The following SEMA6B variants were observed in gnomAD, a reference collection of about 807,000 sequenced individuals.
SEMA6B encodes semaphorin-6B.
A neutral mutation model predicts 78.6 loss-of-function variants in SEMA6B; 47 were observed. That is an observed-to-expected ratio of 0.60 (90% confidence interval 0.47 to 0.76). The LOEUF is 0.76. Ranked by LOEUF, SEMA6B falls within the 30% of genes least tolerant of loss-of-function variation. The pLI is 0.00. For missense variants in SEMA6B, 1,213 were observed against 1,269.9 expected (o/e 0.96, Z 0.68); for synonymous variants, 632 against 592.2 (o/e 1.07, Z -0.98).
In SEMA6B at chr19:4,546,427, G is replaced by C. The variant is rs145677334; in HGVS notation, c.1644C>G (p.Pro548=). 42 of 1,579,798 alleles carry C rather than the reference G, an allele frequency of 2.7e-5. No homozygotes were observed. In the South Asian group the frequency reaches 4.0e-4, roughly 15 times the overall value. ...GSQDPYCGWA[P]DGSCIFLSPG... is the part of the protein sequence containing the mutation. ...GGCTGAGGAAGATGCAGGAGCCGTC[G>C]GGGGCCCACCCGCAGTAGGGGTCCT... Residue 548 remains proline (P), a synonymous_variant, in exon 15 of 17, where the codon CCC becomes CCG. Transcript: ENST00000586582.
rs768001224 is a variant in SEMA6B at position 4,552,563 on chromosome 19, G to A, written c.848C>T (p.Thr283Met). ...GTTGAGCCGCGCCTTCAGGAAGGAC[G>A]TCCACTGCTTCTCCAGCACGCGGGG... is the stretch of plus-strand genomic sequence containing the variant. ...GSPRVLEKQW[T>M]SFLKARLNCS... is the part of the protein sequence containing the mutation. Residue 283 changes from threonine to methionine, a missense_variant, in exon 10 of 17, where the codon ACG becomes ATG. By Grantham distance (81) the Thr-to-Met change is moderately conservative. Coordinates refer to ENST00000586582, the MANE Select transcript of SEMA6B (RefSeq NM_032108.4). The surrounding 1 kb of genome is among the most constrained non-coding windows in gnomAD (Gnocchi z 7.4). The A allele has an allele frequency of 1.9e-6, 3 of 1,612,920 alleles. No homozygotes were observed. The highest frequency in any genetic ancestry group is 1.1e-5 in the South Asian group (1 of 91,082).
rs1977488358 is a variant in SEMA6B, at chr19:4,556,971, G to A, written c.349C>T (p.Arg117Trp). Residue 117 changes from arginine (R) to tryptophan (W), a missense_variant, in exon 5 of 17, where the codon CGG becomes TGG. By Grantham distance (101) the Arg-to-Trp change is moderately radical. Coordinates refer to ENST00000586582, the MANE Select transcript of SEMA6B (RefSeq NM_032108.4). ...CTCACCTCCTGTTTGCCCTTCATCC[G>A]ACACACGTTTATGTCGCTGGGGTTA... ...RSNPSDINVCRMKGKQEGECR... is the reference protein window; with the variant it reads ...RSNPSDINVCWMKGKQEGECR... The A allele has an allele frequency of 1.2e-6, 2 of 1,613,218 alleles. No individual in the cohort carries two copies. Among genetic ancestry groups the A allele is most frequent in the South Asian group, 2.2e-5 (2 of 90,998 alleles).
At position 4,558,825 on chromosome 19, in the gene SEMA6B, A is replaced by G. The variant is rs1158081261; in HGVS notation, c.-32-336T>C. Among the ~76,000 whole-genome samples the G allele has an allele frequency of 6.6e-6, 1 of 152,032 alleles. No homozygotes were observed. The highest frequency in any genetic ancestry group is 1.5e-5 in the Non-Finnish European group (1 of 68,026). On this transcript the variant is annotated intron_variant, in intron 1 of 16. Transcript: ENST00000586582. This position sits in a 1 kb window ranked among gnomAD's most constrained non-coding sequence, Gnocchi z 5.1. ...AATCGCAAAATACATGCATAAAAAT[A>G]CTTAGAATTAAAACACAAAAATATT...
rs554384039 is a variant in SEMA6B, at chr19:4,546,066, C to A, written c.1738+150G>T. ...GATTACAGGCGTGAGCCACCGCGCC[C>A]GGCCCACCCCATGCCTTTCTAAAGT... On this transcript the variant is annotated intron_variant, in intron 16 of 16. Transcript: ENST00000586582. 29 of 798,130 alleles carry A rather than the reference C, an allele frequency of 3.6e-5. No individual in the cohort carries two copies. The Admixed American group carries it at 8.4e-4, about 23-fold the overall frequency. The allele number at this position is 798,130 out of a possible 1,614,324, so 49.4% of individuals were successfully genotyped here. A position where few individuals can be genotyped will look rare whatever the true frequency, so the allele number is the denominator to read the frequency against.
Position 4,548,143 on chromosome 19 carries a change from C to T in SEMA6B, c.1485G>A (p.Gly495=). 2 of 1,591,768 alleles carry T rather than the reference C, an allele frequency of 1.3e-6. No homozygotes were observed. The highest frequency in any genetic ancestry group is 1.7e-6 in the Non-Finnish European group (2 of 1,170,012). The change falls in exon 14 of 17, where the codon GGG becomes GGA. Residue 495 remains glycine (G), a synonymous_variant. Coordinates refer to ENST00000586582, the MANE Select transcript of SEMA6B (RefSeq NM_032108.4). ...CCAGCTCCAAGCTCAGCAGCCGCTGCCCTGTCTCGCCACCGCCGGGCCGTC... is the reference window on the plus strand; with the variant it reads ...CCAGCTCCAAGCTCAGCAGCCGCTGTCCTGTCTCGCCACCGCCGGGCCGTC... ...RCGRPGGGET[G]QRLLSLELDA...
Position 4,544,249 on chromosome 19 carries a change from G to A in SEMA6B, c.2019C>T (p.Ala673=). Residue 673 remains alanine (A), a synonymous_variant, in exon 17 of 17, where the codon GCC becomes GCT. Transcript: ENST00000586582. The surrounding 1 kb of genome is among the most constrained non-coding windows in gnomAD (Gnocchi z 5.1). ...GGRGGGGGGG[A]GVPPEALLAP... is the part of the protein sequence containing the mutation. ...CCAGCAGGGCCTCCGGGGGAACCCC[G>A]GCGCCACCGCCACCGCCTCCGCCCC... 1 of 1,277,886 alleles carries A rather than the reference G, an allele frequency of 7.8e-7. No individual in the cohort carries two copies. The highest frequency in any genetic ancestry group is 9.8e-7 in the Non-Finnish European group (1 of 1,016,146). 79.2% of individuals were successfully genotyped at this position (1,277,886 alleles called of 1,614,324 possible).
Position 4,550,489 on chromosome 19 carries a change from G to A in SEMA6B, c.1122-217C>T, listed in dbSNP as rs984163158. 7.2e-5 allele frequency among the ~76,000 whole-genome samples: 11 copies of A among 152,056 alleles called. No individual in the cohort carries two copies. Among genetic ancestry groups the A allele is most frequent in the African/African-American group, 2.2e-4 (9 of 41,402 alleles). ...AGCGATTCTCCTGCTTCAGCCACCC[G>A]AGTGGCTGGGATTACAGGCACGTGC... On this transcript the variant is annotated intron_variant, in intron 11 of 16. Coordinates refer to ENST00000586582, the MANE Select transcript of SEMA6B (RefSeq NM_032108.4). This position sits in a 1 kb window ranked among gnomAD's most constrained non-coding sequence, Gnocchi z 6.6.
Position 4,555,131 on chromosome 19 carries a change from G to A in SEMA6B, c.563-36C>T. ...TGGGTGGGGAAGGCAGGCAAGAGAT[G>A]AGACCGCAGAGGCCAGGGGCTGGGT... On this transcript the variant is annotated intron_variant, in intron 7 of 16. Coordinates refer to ENST00000586582, the MANE Select transcript of SEMA6B (RefSeq NM_032108.4). The surrounding 1 kb of genome is among the most constrained non-coding windows in gnomAD (Gnocchi z 6.1). 6.2e-7 allele frequency: 1 copy of A among 1,611,086 alleles called. No individual in the cohort carries two copies. The highest frequency in any genetic ancestry group is 8.5e-7 in the Non-Finnish European group (1 of 1,178,814).
Position 4,552,578 on chromosome 19 carries a change from A to T in SEMA6B, c.833T>A (p.Leu278Gln). 1 of 1,612,850 alleles carries T rather than the reference A, an allele frequency of 6.2e-7. No individual in the cohort carries two copies. ...CAGGAAGGACGTCCACTGCTTCTCC[A>T]GCACGCGGGGGGAGCCTCCCACGTC... is the stretch of plus-strand genomic sequence containing the variant. The part of the protein sequence containing the change: ...KNDVGGSPRV[L>Q]EKQWTSFLKA... Residue 278 changes from leucine to glutamine, a missense_variant, in exon 10 of 17, where the codon CTG becomes CAG. Transcript: ENST00000586582. This position sits in a 1 kb window ranked among gnomAD's most constrained non-coding sequence, Gnocchi z 7.4.
chr19:4,546,680 A>G (rs1260789477), intron 14 of SEMA6B, among the ~76,000 whole-genome samples: 1 of 152,134 alleles, frequency 6.6e-6, no homozygotes, highest in African/African-American at 2.4e-5. Flanking sequence ...GCTGGAGTGC[A>G]GTGGCGGGAT....
chr19:4,546,149 C>T, intron 16 of SEMA6B, 67 bp downstream of exon 16: 1 of 1,465,940 alleles, frequency 6.8e-7, no homozygotes, highest in South Asian at 1.3e-5. Context: ...GGTCCTCCAG[C>T]CTCCTCCCTC....
Position 4,543,012 on chromosome 19 carries a change from G to C in SEMA6B, c.*589C>G, listed in dbSNP as rs916481763. ...GGCCGCTGGGGCCACCACGATCGTC[G>C]CTCGTGGACACACACCCTGCACGCG... On this transcript the variant is annotated 3_prime_UTR_variant, in exon 17 of 17. Transcript: ENST00000586582. 1.4e-6 allele frequency: 1 copy of C among 691,870 alleles called. No individual in the cohort carries two copies. The highest frequency in any genetic ancestry group is 2.6e-6 in the Non-Finnish European group (1 of 378,540). 42.9% of individuals were successfully genotyped at this position (691,870 alleles called of 1,614,324 possible). A position where few individuals can be genotyped will look rare whatever the true frequency, so the allele number is the denominator to read the frequency against.
chr19:4,543,825 C>T lies in SEMA6B; in HGVS notation c.2443G>A (p.Asp815Asn), dbSNP rs940870286. The change falls in exon 17 of 17, where the codon GAT becomes AAT. Residue 815 changes from aspartate (D) to asparagine (N), a missense_variant. Physicochemically the swap from Asp to Asn is conservative, Grantham distance 23. Transcript: ENST00000586582. ...TGPLDPASAA[D>N]GLPRPWSPPP... is the part of the protein sequence containing the mutation. ...GGGCTCCAGGGCCGCGGGAGGCCAT[C>T]GGCGGCTGAGGCTGGGTCCAAGGGG... 97 of 1,214,464 alleles carry T rather than the reference C, an allele frequency of 8.0e-5. No homozygotes were observed. Among genetic ancestry groups the T allele is most frequent in the Non-Finnish European group, 9.5e-5 (93 of 977,306 alleles). The allele number at this position is 1,214,464 out of a possible 1,614,324, so 75.2% of individuals were successfully genotyped here. A position where few individuals can be genotyped will look rare whatever the true frequency, so the allele number is the denominator to read the frequency against.
rs1300702796 is a variant in SEMA6B, at chr19:4,542,806, A to T, written c.*795T>A. 1 of 701,158 alleles carries T rather than the reference A, an allele frequency of 1.4e-6. No homozygotes were observed. The highest frequency in any genetic ancestry group is 2.6e-6 in the Non-Finnish European group (1 of 384,622). The allele number at this position is 701,158 out of a possible 1,614,324, so 43.4% of individuals were successfully genotyped here. ...ACCTTCGCCGCCCCCCAGGCCCCCA[A>T]GCCCTTTAGACAGCTGCTGCCGATG... On this transcript the variant is annotated 3_prime_UTR_variant, in exon 17 of 17. Transcript: ENST00000586582.
Position 4,543,312 on chromosome 19 carries a change from A to G in SEMA6B, c.*289T>C. On this transcript the variant is annotated 3_prime_UTR_variant, in exon 17 of 17. Coordinates refer to ENST00000586582, the MANE Select transcript of SEMA6B (RefSeq NM_032108.4). ...GGTTAGAAAACCGCAAAAGAAACCA[A>G]AACTGCAAAAAAAACCAAAACCTAC... 1 of 459,458 alleles carries G rather than the reference A, an allele frequency of 2.2e-6. No individual in the cohort carries two copies. The highest frequency in any genetic ancestry group is 3.8e-6 in the Non-Finnish European group (1 of 260,930). The allele number at this position is 459,458 out of a possible 1,614,324, so 28.5% of individuals were successfully genotyped here.
Position 4,557,254 on chromosome 19 carries a change from G to C in SEMA6B, c.246-31C>G, listed in dbSNP as rs747079270. 6.5e-6 allele frequency: 10 copies of C among 1,529,020 alleles called. No homozygotes were observed. In the African/African-American group the frequency reaches 9.6e-5, roughly 15 times the overall value. The allele number at this position is 1,529,020 out of a possible 1,614,324, so 94.7% of individuals were successfully genotyped here. ...GGAGGGGCATAGTTAGTGAGAACTGGGGGCTCCGCCACCCTCTCCCGTTCC... is the reference window on the plus strand; with the variant it reads ...GGAGGGGCATAGTTAGTGAGAACTGCGGGCTCCGCCACCCTCTCCCGTTCC... On this transcript the variant is annotated intron_variant, in intron 3 of 16. Coordinates refer to ENST00000586582, the MANE Select transcript of SEMA6B (RefSeq NM_032108.4).
chr19:4,543,920 G>A lies in SEMA6B; in HGVS notation c.2348C>T (p.Ser783Phe). The A allele has an allele frequency of 8.3e-7, 1 of 1,201,918 alleles. No individual in the cohort carries two copies. The allele number at this position is 1,201,918 out of a possible 1,614,324, so 74.5% of individuals were successfully genotyped here. A position where few individuals can be genotyped will look rare whatever the true frequency, so the allele number is the denominator to read the frequency against. ...GGGGGTGAGCGGGAAGTCGCCGTGGGAGGCGCGGCCGGGCCGGGCAGCATA... is the reference window on the plus strand; with the variant it reads ...GGGGGTGAGCGGGAAGTCGCCGTGGAAGGCGCGGCCGGGCCGGGCAGCATA... ...RLYAARPGRA[S>F]HGDFPLTPHA... is the part of the protein sequence containing the mutation. Residue 783 changes from serine to phenylalanine, a missense_variant, in exon 17 of 17, where the codon TCC becomes TTC. By Grantham distance (155) the Ser-to-Phe change is radical. Transcript: ENST00000586582.
In SEMA6B at chr19:4,542,757, C is replaced by G. The variant is rs1034228183; in HGVS notation, c.*844G>C. On this transcript the variant is annotated 3_prime_UTR_variant, in exon 17 of 17. Coordinates refer to ENST00000586582, the MANE Select transcript of SEMA6B (RefSeq NM_032108.4). ...TGGGACTCTCTCACCACCCTGGGGC[C>G]GTATTTACAGAGGGGCCCCACCCAC... The G allele has an allele frequency of 1.4e-6, 1 of 700,202 alleles. No individual in the cohort carries two copies. Among genetic ancestry groups the G allele is most frequent in the Admixed American group, 2.0e-5 (1 of 49,968 alleles). 43.4% of individuals were successfully genotyped at this position (700,202 alleles called of 1,614,324 possible). A position where few individuals can be genotyped will look rare whatever the true frequency, so the allele number is the denominator to read the frequency against.
chr19:4,556,250 G>C (rs1977467154), intron 5 of SEMA6B, among the ~76,000 whole-genome samples, 161 bp from the exon 6 acceptor site: 1 of 152,144 alleles, frequency 6.6e-6, no homozygotes, highest in Admixed American at 6.5e-5. Context: ...GTGCGACCCA[G>C]ACAGGGAAAC....
Sources: allele counts gnomAD v4.1 joint callset (sites outside exome capture counted in the v4.1 genomes callset), GRCh38; gene constraint gnomAD v4.1.1; non-coding constraint Gnocchi (gnomAD v3.1); transcripts MANE v1.5; gene names NCBI Gene and HGNC (gene_info 2026-07-23, HGNC 2026-07-21).